Variants in CCSER2 observed in about 807,000 individuals in gnomAD.
CCSER2 encodes serine-rich coiled-coil domain-containing protein 2.
Under a neutral mutation model 92.3 loss-of-function variants are expected in CCSER2, and 46 were observed. The observed-to-expected ratio is 0.50, with a 90% confidence interval of 0.39 to 0.64. The LOEUF is 0.64. CCSER2 is among the 30% of genes least tolerant of loss of function. CCSER2 has a pLI of 0.00. For synonymous variants in CCSER2, 433 were observed against 431.4 expected, an observed-to-expected ratio of 1.00 and a Z score of -0.04; for missense variants, 1,244 against 1,238.9, an observed-to-expected ratio of 1.00 and a Z score of -0.06.
chr10:84,389,104 C>CTT, intron 3 of CCSER2: 55 of 184,360 alleles, frequency 3.0e-4, no homozygotes, highest in South Asian at 9.1e-4. Context: ...CCAATAATAA[C>CTT]TTTTTTTTTT....
intron 9 of CCSER2, among the ~76,000 whole-genome samples, chr10:84,490,029 G>T (rs939109825): frequency 2.0e-5 from 3 of 152,158 alleles, no homozygotes; most frequent in African/African-American, 7.2e-5. Context: ...GAAATTCTGG[G>T]TTGAAAATTC....
chr10:84,335,228 C>CTTTTTTTTTT (rs1202869188), intron 1 of CCSER2, among the ~76,000 whole-genome samples: 3 of 70,008 alleles, frequency 4.3e-5, no homozygotes, highest in African/African-American at 1.1e-4. Context: ...CTCTCTCTCT[C>CTTTTTTTTTT]TTTTTTTTTT....
intron 9 of CCSER2, among the ~76,000 whole-genome samples, chr10:84,484,393 A>G (rs113945157): frequency 0.1 from 15,162 of 152,118 alleles, 956 homozygotes; most frequent in Admixed American, 0.15. Flanking sequence ...GACCACAGGC[A>G]TGAGCCATCC....
At chr10:84,389,176 C>T in intron 3 of CCSER2, 1 of 289,946 alleles carries the variant, frequency 3.4e-6, no homozygotes. Flanking sequence ...AACTAGCTGG[C>T]CATTCTACCG....
chr10:84,411,581 G>A (rs1410371718), intron 3 of CCSER2, among the ~76,000 whole-genome samples: 1 of 152,076 alleles, frequency 6.6e-6, no homozygotes, highest in East Asian at 1.9e-4. Context: ...TTATGAATGG[G>A]ACTTCATTCA....
intron 1 of CCSER2, among the ~76,000 whole-genome samples, chr10:84,347,813 C>T (rs60149580): frequency 0.21 from 31,315 of 150,766 alleles, 3,488 homozygotes; most frequent in Admixed American, 0.34. Context: ...ACCTCCCAGA[C>T]GGGGTCGTGG....
Position 84,479,792 on chromosome 10 carries a change from T to C in CCSER2, c.2325+2128T>C, listed in dbSNP as rs139785109. Among the ~76,000 whole-genome samples, 129 of 152,276 alleles carry C rather than the reference T, an allele frequency of 8.5e-4. 2 individuals are homozygous for C. The East Asian group carries it at 0.02, about 24-fold the overall frequency. ...GACTTATGCAAGTGTTTACACAACTTGTATACAGCAGTCTTATTTTAGTTG... is the reference window on the plus strand; with the variant it reads ...GACTTATGCAAGTGTTTACACAACTCGTATACAGCAGTCTTATTTTAGTTG... On this transcript the variant is annotated intron_variant, in intron 9 of 9. Transcript: ENST00000372088.
chr10:84,507,785 T>C (rs1265689049), intron 9 of CCSER2, among the ~76,000 whole-genome samples: 2 of 152,180 alleles, frequency 1.3e-5, no homozygotes, highest in Non-Finnish European at 2.9e-5. Flanking sequence ...TGGTGGGTAC[T>C]ACTTTGCCTT....
chr10:84,425,708 C>G lies in CCSER2; in HGVS notation c.1706-23C>G, dbSNP rs769788387. The G allele has an allele frequency of 9.0e-6, 14 of 1,548,054 alleles. No homozygotes were observed. The South Asian group carries it at 1.6e-4, about 18-fold the overall frequency. On this transcript the variant is annotated intron_variant, in intron 4 of 9. Coordinates refer to ENST00000372088, the MANE Select transcript of CCSER2 (RefSeq NM_001284240.2). ...TATGGAGTATGTACATGTTTATAGT[C>G]TTTTGCTTTTGAATCTGTCTAGTGG...
intron 6 of CCSER2, among the ~76,000 whole-genome samples, chr10:84,460,229 A>G (rs1287414597): frequency 7.1e-6 from 1 of 140,080 alleles, no homozygotes; most frequent in Non-Finnish European, 1.5e-5. Context: ...AGCTGGGACT[A>G]TGGGCATGCG....
At chr10:84,508,018 A>G (rs950078938) in intron 9 of CCSER2, among the ~76,000 whole-genome samples, 1 of 152,220 alleles carries the variant, frequency 6.6e-6, no homozygotes, top group African/African-American at 2.4e-5. Context: ...TCATCTGGTT[A>G]TACTGTATAT....
chr10:84,503,421 G>A (rs567572049), intron 9 of CCSER2, among the ~76,000 whole-genome samples: 4 of 152,100 alleles, frequency 2.6e-5, no homozygotes, highest in Non-Finnish European at 4.4e-5. Flanking sequence ...GCTGTTAGTA[G>A]GGATTTGAGC....
At chr10:84,386,110 GAATACTTATAAC>G (rs1841190725) in intron 3 of CCSER2, among the ~76,000 whole-genome samples, 2 of 152,118 alleles carry the variant, frequency 1.3e-5, no homozygotes, top group Non-Finnish European at 2.9e-5. Context: ...GGAGAAAAGG[GAATACTTATAAC>G]ACTGTTGGTG....
At chr10:84,362,985 T>TGA (rs1845583164) in intron 1 of CCSER2, among the ~76,000 whole-genome samples, 1 of 150,770 alleles carries the variant, frequency 6.6e-6, no homozygotes, top group Non-Finnish European at 1.5e-5. Context: ...TACAGGTGCC[T>TGA]GCCACCACGC....
In CCSER2 at chr10:84,438,651, C is replaced by T; in HGVS notation, c.2008C>T (p.Gln670Ter). ...LDEMTLRHMV[Q>*]DCTAVKTQLL... ...TGAGATGACCCTTCGGCACATGGTT[C>T]AGGATTGCACTGCTGTAAAAACTCA... Residue 670 changes from glutamine to a stop codon, truncating the protein, a stop_gained, in exon 6 of 10, where the codon CAG becomes TAG. Coordinates refer to ENST00000372088, the MANE Select transcript of CCSER2 (RefSeq NM_001284240.2). LOFTEE classifies it high-confidence loss of function. The T allele has an allele frequency of 6.2e-7, 1 of 1,613,380 alleles. No individual in the cohort carries two copies. Among genetic ancestry groups the T allele is most frequent in the Non-Finnish European group, 8.5e-7 (1 of 1,179,656 alleles).
intron 7 of CCSER2, among the ~76,000 whole-genome samples, chr10:84,467,160 A>G (rs1203904680): frequency 6.6e-6 from 1 of 152,220 alleles, no homozygotes; most frequent in Non-Finnish European, 1.5e-5. Flanking sequence ...GACGTTTGAC[A>G]TGACCTTTGT....
chr10:84,373,294 G>C (rs1170246608), intron 2 of CCSER2, among the ~76,000 whole-genome samples: 1 of 152,080 alleles, frequency 6.6e-6, no homozygotes, highest in Non-Finnish European at 1.5e-5. Flanking sequence ...CAGAGGAAAA[G>C]GAGTTTCCTG....
intron 9 of CCSER2, among the ~76,000 whole-genome samples, chr10:84,495,552 G>A (rs1340705627): frequency 6.6e-6 from 1 of 152,132 alleles, no homozygotes; most frequent in Admixed American, 6.5e-5. Flanking sequence ...GGGATGGGGT[G>A]TTGAGCTCTC....
chr10:84,424,662 G>C (rs945694854), intron 4 of CCSER2, among the ~76,000 whole-genome samples: 1 of 151,698 alleles, frequency 6.6e-6, no homozygotes, highest in Non-Finnish European at 1.5e-5. Context: ...TTAAATAAGC[G>C]AGGTTTTTTT....
Sources: allele counts gnomAD v4.1 joint callset (sites outside exome capture counted in the v4.1 genomes callset), GRCh38; gene constraint gnomAD v4.1.1; transcripts MANE v1.5; gene names NCBI Gene and HGNC (gene_info 2026-07-23, HGNC 2026-07-21).